The following BORCS5 variants were observed in gnomAD, a reference collection of about 807,000 sequenced individuals.
BORCS5 encodes the protein BLOC-1 related complex subunit 5, also known as BLOC-1-related complex subunit 5.
Under a neutral mutation model 22.1 loss-of-function variants are expected in BORCS5, and 17 were observed. The ratio of observed to expected loss-of-function variants is 0.77; its 90% confidence interval spans 0.53 to 1.15. The LOEUF is 1.15. BORCS5 is among the 50% of genes most tolerant of loss of function. The pLI, the probability that BORCS5 is intolerant of heterozygous loss-of-function variation, is 0.00. For synonymous variants in BORCS5, 117 were observed against 99.8 expected (o/e 1.17, Z -1.03); for missense variants, 247 against 253.2 (o/e 0.98, Z 0.17).
intron 2 of BORCS5, among the ~76,000 whole-genome samples, chr12:12,363,535 A>G (rs1011105371): frequency 6.6e-6 from 1 of 152,170 alleles, no homozygotes; most frequent in Non-Finnish European, 1.5e-5. Flanking sequence ...GGAGATCGAG[A>G]CCATCCTGGC....
chr12:12,445,860 C>A (rs186711245), intron 3 of BORCS5, among the ~76,000 whole-genome samples: 1 of 147,758 alleles, frequency 6.8e-6, no homozygotes, highest in African/African-American at 2.5e-5. Context: ...CCCAGACTGA[C>A]CTTGAACTCC....
intron 2 of BORCS5, among the ~76,000 whole-genome samples, chr12:12,380,153 A>G (rs1316506751): frequency 6.6e-6 from 1 of 151,380 alleles, no homozygotes; most frequent in Non-Finnish European, 1.5e-5. Flanking sequence ...CAAAACAATT[A>G]CAATAGTGAC....
chr12:12,435,788 A>G lies in BORCS5; in HGVS notation c.360+3A>G, dbSNP rs773408896. 6 of 1,608,254 alleles carry G rather than the reference A, an allele frequency of 3.7e-6. No homozygotes were observed. The highest frequency in any genetic ancestry group is 4.2e-6 in the Non-Finnish European group (5 of 1,176,730). ...CTTTGGTTAAACGAATCAAAGAGGT[A>G]ATGTGCTGCGGGAAAATAACATTGC... On this transcript the variant is annotated splice_donor_region_variant and intron_variant, in intron 3 of 3. Coordinates refer to ENST00000314565, the MANE Select transcript of BORCS5 (RefSeq NM_058169.6).
chr12:12,423,291 A>G (rs900011941), intron 2 of BORCS5, among the ~76,000 whole-genome samples: 1 of 152,056 alleles, frequency 6.6e-6, no homozygotes, highest in Non-Finnish European at 1.5e-5. Context: ...CATGAACAGT[A>G]CATGGGCTTT....
chr12:12,462,111 TGCATGGC>T (rs1412632281), intron 3 of BORCS5, among the ~76,000 whole-genome samples: 2 of 152,206 alleles, frequency 1.3e-5, no homozygotes, highest in African/African-American at 4.8e-5. Context: ...CCTCGCATAG[TGCATGGC>T]ACATGGCACG....
intron 2 of BORCS5, among the ~76,000 whole-genome samples, chr12:12,367,218 G>A (rs890544119): frequency 2.4e-4 from 37 of 152,216 alleles, no homozygotes; most frequent in African/African-American, 8.0e-4. Context: ...AGAGCATGAT[G>A]GAGCTAGATT....
chr12:12,390,935 G>T (rs1941161941), intron 2 of BORCS5, among the ~76,000 whole-genome samples: 1 of 152,020 alleles, frequency 6.6e-6, no homozygotes, highest in Non-Finnish European at 1.5e-5. Flanking sequence ...GAATTGTAAA[G>T]AACAGAAGAG....
intron 3 of BORCS5, among the ~76,000 whole-genome samples, chr12:12,436,554 T>C (rs1159081155): frequency 6.6e-6 from 1 of 152,210 alleles, no homozygotes; most frequent in Non-Finnish European, 1.5e-5. Flanking sequence ...ATCAAGGAAA[T>C]GTTAGGAGCT....
At chr12:12,456,786 CTG>C (rs937138647) in intron 3 of BORCS5, among the ~76,000 whole-genome samples, 122 of 147,546 alleles carry the variant, frequency 8.3e-4, no homozygotes, top group African/African-American at 3.0e-3. Flanking sequence ...TATCAGGAAA[CTG>C]TGGGATGAGT....
chr12:12,420,446 T>C (rs1942085467), intron 2 of BORCS5, among the ~76,000 whole-genome samples: 1 of 152,208 alleles, frequency 6.6e-6, no homozygotes, highest in Admixed American at 6.5e-5. Flanking sequence ...TTGGTTACTG[T>C]AGCCTTGTAG....
At chr12:12,396,944 T>A (rs1941363758) in intron 2 of BORCS5, among the ~76,000 whole-genome samples, 1 of 152,206 alleles carries the variant, frequency 6.6e-6, no homozygotes, top group Admixed American at 6.5e-5. Flanking sequence ...CAATTTTCTA[T>A]AATTACAACT....
intron 3 of BORCS5, among the ~76,000 whole-genome samples, chr12:12,445,824 T>G (rs1470519250): frequency 1.3e-5 from 2 of 150,308 alleles, no homozygotes; most frequent in East Asian, 1.9e-4. Context: ...TTTTTTTTTT[T>G]GTAGAGACAG....
At chr12:12,405,165 GAC>G (rs1164162212) in intron 2 of BORCS5, among the ~76,000 whole-genome samples, 1 of 152,162 alleles carries the variant, frequency 6.6e-6, no homozygotes, top group Non-Finnish European at 1.5e-5. Flanking sequence ...GTTCCAGAGA[GAC>G]AACCCATAAA....
intron 3 of BORCS5, among the ~76,000 whole-genome samples, chr12:12,458,829 G>A (rs778815052): frequency 2.6e-4 from 39 of 151,548 alleles, no homozygotes; most frequent in Non-Finnish European, 5.3e-4. Context: ...AAAATTAGCT[G>A]GGCATGGTAG....
intron 1 of BORCS5, among the ~76,000 whole-genome samples, chr12:12,358,341 G>A (rs1309017576): frequency 1.3e-5 from 2 of 152,162 alleles, no homozygotes; most frequent in Admixed American, 1.3e-4. Flanking sequence ...TCAGAAATAG[G>A]CAAGCTAATA....
rs59281713 is a variant in BORCS5 at position 12,444,810 on chromosome 12, G to A, written c.360+9025G>A. On this transcript the variant is annotated intron_variant, in intron 3 of 3. Coordinates refer to ENST00000314565, the MANE Select transcript of BORCS5 (RefSeq NM_058169.6). ...TTATATTCAATATGATTTCAACTGT[G>A]TTAAATATTCTGTTTGTTTATTTTA... is the stretch of plus-strand genomic sequence containing the variant. Among the ~76,000 whole-genome samples the A allele has an allele frequency of 3.8e-3, 569 of 150,874 alleles. 6 individuals are homozygous for A. The highest frequency in any genetic ancestry group is 0.013 in the African/African-American group (530 of 41,490).
chr12:12,428,460 G>A (rs960251456), intron 2 of BORCS5, among the ~76,000 whole-genome samples: 2 of 152,204 alleles, frequency 1.3e-5, no homozygotes, highest in African/African-American at 4.8e-5. Flanking sequence ...AGGGTCTTAG[G>A]AAATATCTCC....
intron 3 of BORCS5, among the ~76,000 whole-genome samples, chr12:12,464,198 C>T (rs970994685): frequency 8.7e-6 from 1 of 114,746 alleles, no homozygotes; most frequent in African/African-American, 3.7e-5. Flanking sequence ...TTCTCACTCC[C>T]ATGTTTTTTT....
At chr12:12,442,499 C>T (rs752394754) in intron 3 of BORCS5, among the ~76,000 whole-genome samples, 11 of 152,114 alleles carry the variant, frequency 7.2e-5, no homozygotes, top group African/African-American at 1.7e-4. Flanking sequence ...TTGACATAAA[C>T]CAGTATGAAG....
Sources: gnomAD v4.1 joint callset for allele counts (sites outside exome capture counted in the v4.1 genomes callset) on GRCh38, gnomAD v4.1.1 for gene constraint, MANE v1.5 for transcripts, NCBI Gene and HGNC (gene_info 2026-07-23, HGNC 2026-07-21) for gene names.